The following OPCML variants were observed in gnomAD, a reference collection of about 807,000 sequenced individuals.
OPCML encodes opioid-binding protein/cell adhesion molecule.
OPCML carries 13 observed loss-of-function variants against 37.8 expected under a neutral mutation model. That is an observed-to-expected ratio of 0.34 (90% confidence interval 0.22 to 0.55). The LOEUF (loss-of-function observed/expected upper bound fraction) is 0.55. Ranked by LOEUF, OPCML falls within the 20% of genes least tolerant of loss-of-function variation. OPCML has a pLI of 0.91. For missense variants in OPCML, 341 were observed against 435.6 expected (o/e 0.78, Z 1.93); for synonymous variants, 176 against 168.8 (o/e 1.04, Z -0.33).
intron 1 of OPCML, among the ~76,000 whole-genome samples, chr11:133,429,034 T>C (rs189266618): frequency 6.6e-6 from 1 of 152,276 alleles, no homozygotes; most frequent in Non-Finnish European, 1.5e-5. Flanking sequence ...AATTAGACTC[T>C]GATATATACA....
intron 1 of OPCML, among the ~76,000 whole-genome samples, chr11:133,210,638 A>G (rs1212416735): frequency 1.3e-5 from 2 of 152,290 alleles, no homozygotes; most frequent in Non-Finnish European, 2.9e-5. Flanking sequence ...TGAAATGACC[A>G]CAAAATGGCT....
chr11:133,046,251 C>T (rs1948012975), intron 1 of OPCML, among the ~76,000 whole-genome samples: 1 of 152,198 alleles, frequency 6.6e-6, no homozygotes, highest in African/African-American at 2.4e-5. Context: ...TGAAAATTTT[C>T]CCGCATTTTA....
chr11:132,580,912 C>T (rs888728739), intron 3 of OPCML, among the ~76,000 whole-genome samples: 1 of 152,120 alleles, frequency 6.6e-6, no homozygotes, highest in African/African-American at 2.4e-5. Context: ...TCATATAATG[C>T]TCTGAAAGAG....
chr11:132,698,546 A>T (rs2135913914), intron 2 of OPCML, among the ~76,000 whole-genome samples: 1 of 152,232 alleles, frequency 6.6e-6, no homozygotes, highest in East Asian at 1.9e-4. Context: ...GCCTTCTCAG[A>T]TATATGGTTT....
chr11:132,737,082 C>T (rs1441915899), intron 2 of OPCML, among the ~76,000 whole-genome samples: 1 of 152,152 alleles, frequency 6.6e-6, no homozygotes, highest in African/African-American at 2.4e-5. Flanking sequence ...CATGTGGACA[C>T]TGTTGTCTCC....
intron 7 of OPCML, among the ~76,000 whole-genome samples, chr11:132,432,717 G>A (rs2096001398): frequency 6.6e-6 from 1 of 152,148 alleles, no homozygotes; most frequent in South Asian, 2.1e-4. Context: ...TAGGGATTAA[G>A]CCAGGTATAG....
intron 2 of OPCML, among the ~76,000 whole-genome samples, chr11:132,697,358 G>A (rs1943636224): frequency 6.6e-6 from 1 of 152,140 alleles, no homozygotes; most frequent in Non-Finnish European, 1.5e-5. Flanking sequence ...CAGTCACAGT[G>A]CTGTACATTA....
At chr11:132,729,300 G>A (rs1459560077) in intron 2 of OPCML, among the ~76,000 whole-genome samples, 1 of 152,084 alleles carries the variant, frequency 6.6e-6, no homozygotes, top group African/African-American at 2.4e-5. Flanking sequence ...CTCATGAATG[G>A]ATGTTTAACT....
At chr11:133,013,820 A>G (rs1052218809) in intron 1 of OPCML, among the ~76,000 whole-genome samples, 2 of 152,180 alleles carry the variant, frequency 1.3e-5, no homozygotes, top group African/African-American at 4.8e-5. Context: ...TGCTATAATC[A>G]ATTCCAATTC....
intron 4 of OPCML, among the ~76,000 whole-genome samples, chr11:132,457,668 C>G (rs991504125): frequency 6.6e-6 from 1 of 152,146 alleles, no homozygotes; most frequent in Admixed American, 6.5e-5. Context: ...AACCACTTGC[C>G]CTGAACCTTT....
intron 1 of OPCML, among the ~76,000 whole-genome samples, chr11:133,255,624 A>C (rs890990060): frequency 1.4e-4 from 22 of 152,344 alleles, no homozygotes; most frequent in Non-Finnish European, 8.8e-5. Flanking sequence ...CAAATTAAAA[A>C]GAGGGGATTA....
In OPCML at chr11:132,943,497, A is replaced by G. The variant is rs898717670; in HGVS notation, c.62-487T>C. Reference sequence around the variant, plus strand: ...TGCAGAGCTCTGGCATCAAAAGTTTATAACCCAAAGAAGAAGGCAAGTGTC... The same window carrying G: ...TGCAGAGCTCTGGCATCAAAAGTTTGTAACCCAAAGAAGAAGGCAAGTGTC... On this transcript the variant is annotated intron_variant, in intron 1 of 7. Coordinates refer to ENST00000524381, the MANE Select transcript of OPCML (RefSeq NM_001012393.5). The surrounding 1 kb of genome is among the most constrained non-coding windows in gnomAD (Gnocchi z 4.3). 4 of 234,516 alleles carry G rather than the reference A, an allele frequency of 1.7e-5. No individual in the cohort carries two copies. The Admixed American group carries it at 2.0e-4, about 11-fold the overall frequency. 14.5% of individuals were successfully genotyped at this position (234,516 alleles called of 1,614,324 possible).
In OPCML at chr11:132,897,882, C is replaced by A. The variant is rs550920131; in HGVS notation, c.146+45044G>T. ...GATATGTGGATAGATCTCTCTGAGT[C>A]GGCAAAGGATGTGAAGTTATTTGTT... is the stretch of plus-strand genomic sequence containing the variant. On this transcript the variant is annotated intron_variant, in intron 2 of 7. Coordinates refer to ENST00000524381, the MANE Select transcript of OPCML (RefSeq NM_001012393.5). Among the ~76,000 whole-genome samples the A allele has an allele frequency of 1.4e-3, 220 of 152,224 alleles. 6 individuals are homozygous for A. Among genetic ancestry groups the A allele is most frequent in the Middle Eastern group, 3.4e-3 (1 of 294 alleles).
chr11:133,483,623 A>T (rs1217352790), intron 1 of OPCML, among the ~76,000 whole-genome samples: 2 of 151,574 alleles, frequency 1.3e-5, no homozygotes, highest in Admixed American at 6.6e-5. Flanking sequence ...TAGATAGATA[A>T]ATAGATATAT....
intron 1 of OPCML, among the ~76,000 whole-genome samples, chr11:133,325,323 A>T (rs1202692565): frequency 6.6e-6 from 1 of 152,184 alleles, no homozygotes; most frequent in Non-Finnish European, 1.5e-5. Flanking sequence ...GCCGGATGGC[A>T]TTATTTGGGG....
At chr11:132,583,709 G>T (rs1195748849) in intron 3 of OPCML, among the ~76,000 whole-genome samples, 1 of 152,032 alleles carries the variant, frequency 6.6e-6, no homozygotes, top group East Asian at 1.9e-4. Context: ...CTCCTCCTGG[G>T]TTCAAGAGAT....
At chr11:133,120,783 T>C (rs1949408219) in intron 1 of OPCML, among the ~76,000 whole-genome samples, 1 of 152,180 alleles carries the variant, frequency 6.6e-6, no homozygotes, top group Non-Finnish European at 1.5e-5. Flanking sequence ...ATCACATACA[T>C]CTCAGAAGTT....
At chr11:132,472,503 G>GA (rs1399930266) in intron 4 of OPCML, among the ~76,000 whole-genome samples, 3 of 152,180 alleles carry the variant, frequency 2.0e-5, no homozygotes, top group Non-Finnish European at 4.4e-5. Context: ...CATAGAGGGA[G>GA]AAAATGAGCA....
At chr11:133,523,902 C>T (rs759829763) in intron 1 of OPCML, among the ~76,000 whole-genome samples, 10 of 152,234 alleles carry the variant, frequency 6.6e-5, no homozygotes, top group Non-Finnish European at 1.3e-4. Flanking sequence ...CTTCACCAGC[C>T]TCCCTGGCAA....
Sources: gnomAD v4.1 joint callset for allele counts (sites outside exome capture counted in the v4.1 genomes callset) on GRCh38, gnomAD v4.1.1 for gene constraint, Gnocchi (gnomAD v3.1) non-coding constraint, MANE v1.5 for transcripts, NCBI Gene and HGNC (gene_info 2026-07-23, HGNC 2026-07-21) for gene names.